Variants in MICAL3 observed in about 807,000 individuals in gnomAD.
MICAL3 encodes the protein microtubule associated monooxygenase, calponin and LIM domain containing 3.
Under a neutral mutation model 207.4 loss-of-function variants are expected in MICAL3, and 62 were observed. The ratio of observed to expected loss-of-function variants is 0.30; its 90% CI spans 0.24 to 0.37. MICAL3 has a LOEUF of 0.37. MICAL3 is among the 10% of genes least tolerant of loss of function. The pLI is 1.00. For synonymous variants in MICAL3, 1,077 were observed against 1,069.3 expected, an observed-to-expected ratio of 1.01 and a Z score of -0.14; for missense variants, 2,368 against 2,635.6, an observed-to-expected ratio of 0.90 and a Z score of 2.22.
intron 1 of MICAL3, among the ~76,000 whole-genome samples, 177 bp downstream of exon 1, chr22:18,024,104 A>G (rs1000353431): frequency 1.3e-5 from 2 of 152,216 alleles, no homozygotes; most frequent in African/African-American, 4.8e-5. Context: ...CCACTAGGGG[A>G]GAGAGGGCTG....
intron 1 of MICAL3, among the ~76,000 whole-genome samples, chr22:18,003,569 C>G (rs1175545979): frequency 6.6e-6 from 1 of 152,200 alleles, no homozygotes; most frequent in Non-Finnish European, 1.5e-5. Flanking sequence ...ATCCACACTA[C>G]AAGCCAAATT....
At chr22:18,015,254 C>A (rs753650598) in intron 1 of MICAL3, among the ~76,000 whole-genome samples, 3 of 152,032 alleles carry the variant, frequency 2.0e-5, no homozygotes, top group Non-Finnish European at 4.4e-5. Flanking sequence ...GTTTCTGGGG[C>A]TAATAAAAAA....
At chr22:17,863,497 C>A in intron 19 of MICAL3, 1 of 985,304 alleles carries the variant, frequency 1.0e-6, no homozygotes, top group South Asian at 4.7e-5. Flanking sequence ...GGGTACTTCA[C>A]GAGAAAGATG....
At chr22:17,944,491 G>C (rs779990465) in intron 1 of MICAL3, among the ~76,000 whole-genome samples, 1 of 152,136 alleles carries the variant, frequency 6.6e-6, no homozygotes, top group Non-Finnish European at 1.5e-5. Context: ...ATTAAGTCCC[G>C]AACAATGAAG....
At chr22:17,953,170 T>C (rs182276375) in intron 1 of MICAL3, among the ~76,000 whole-genome samples, 150 of 152,324 alleles carry the variant, frequency 9.8e-4, no homozygotes, top group Non-Finnish European at 1.3e-3. Context: ...TCTCTCTAGG[T>C]CCCTGAATCT....
At position 17,982,796 on chromosome 22, in the gene MICAL3, A is replaced by T. The variant is rs141443063; in HGVS notation, c.-75+41485T>A. 6.1e-3 allele frequency among the ~76,000 whole-genome samples: 912 copies of T among 149,962 alleles called. 9 individuals carry two copies. Among genetic ancestry groups the T allele is most frequent in the African/African-American group, 0.019 (756 of 39,612 alleles). On this transcript the variant is annotated intron_variant, in intron 1 of 31. Coordinates refer to ENST00000441493, the MANE Select transcript of MICAL3 (RefSeq NM_015241.3). Reference sequence around the variant, plus strand: ...AAAATAAAATAAAATAAAATAAAATAAAAAAGTTTTAATACATTCTCCCTG... The same window carrying T: ...AAAATAAAATAAAATAAAATAAAATTAAAAAGTTTTAATACATTCTCCCTG...
At chr22:17,982,344 A>G (rs1935950853) in intron 1 of MICAL3, among the ~76,000 whole-genome samples, 1 of 152,228 alleles carries the variant, frequency 6.6e-6, no homozygotes. Flanking sequence ...AAAACGGGGG[A>G]AAATGCCATT....
At chr22:17,895,141 C>G in intron 10 of MICAL3, 143 bp downstream of exon 10, 6 of 787,552 alleles carry the variant, frequency 7.6e-6, no homozygotes, top group Non-Finnish European at 1.0e-5. Context: ...CTACTTCTAC[C>G]AATTCAGAGA....
chr22:17,853,074 CAAAA>C (rs35015407), intron 19 of MICAL3, among the ~76,000 whole-genome samples: 1 of 113,070 alleles, frequency 8.8e-6, no homozygotes, highest in Admixed American at 9.5e-5. Context: ...GACTCCATCT[CAAAA>C]AAAAAAAAAA....
chr22:17,859,031 G>GA (rs1314710765), intron 19 of MICAL3, among the ~76,000 whole-genome samples: 1 of 152,196 alleles, frequency 6.6e-6, no homozygotes, highest in Non-Finnish European at 1.5e-5. Context: ...TTATTTCAGA[G>GA]AAAGGGGAGC....
At chr22:17,944,214 T>C (rs1241721289) in intron 1 of MICAL3, among the ~76,000 whole-genome samples, 3 of 152,176 alleles carry the variant, frequency 2.0e-5, no homozygotes, top group Non-Finnish European at 4.4e-5. Context: ...AGAAACTAAC[T>C]AACCAGTGTT....
chr22:17,955,767 A>T (rs563972713), intron 1 of MICAL3, among the ~76,000 whole-genome samples: 4 of 152,330 alleles, frequency 2.6e-5, no homozygotes, highest in African/African-American at 9.6e-5. Flanking sequence ...TTTCCTGGAC[A>T]ACTTCCAGCC....
chr22:17,918,239 C>T lies in MICAL3; in HGVS notation c.-74-11353G>A, dbSNP rs145593612. Among the ~76,000 whole-genome samples the T allele has an allele frequency of 4.2e-3, 636 of 152,118 alleles. 4 individuals carry two copies. Among genetic ancestry groups the T allele is most frequent in the African/African-American group, 0.014 (593 of 41,496 alleles). ...GAGGCTGCAGTGAGCTACGATCATG[C>T]CACTGCACTCTGGCCTGGCGGACAG... On this transcript the variant is annotated intron_variant, in intron 1 of 31. Coordinates refer to ENST00000441493, the MANE Select transcript of MICAL3 (RefSeq NM_015241.3).
chr22:17,848,737 C>A (rs1052377091), intron 19 of MICAL3, among the ~76,000 whole-genome samples: 2 of 152,152 alleles, frequency 1.3e-5, no homozygotes, highest in Admixed American at 6.5e-5. Flanking sequence ...GAGAAGTCAC[C>A]CCTGGGTAGG....
At chr22:17,827,840 C>T in intron 21 of MICAL3, 59 bp from the exon 22 acceptor site, 1 of 1,493,244 alleles carries the variant, frequency 6.7e-7, no homozygotes, top group Non-Finnish European at 9.0e-7. Context: ...GATGAAATAG[C>T]ATGGGAAAGG....
rs1270934519 is a variant in MICAL3, at chr22:17,793,962, G to A, written c.5651-2661C>T. On this transcript the variant is annotated intron_variant, in intron 29 of 31. Transcript: ENST00000441493. The surrounding 1 kb of genome is among the most constrained non-coding windows in gnomAD (Gnocchi z 4.1). ...TGAGAAAGGAACAACAGGAGGAAAAGAAAATAATACAAGAAATGGAGAAGC... is the reference window on the plus strand; with the variant it reads ...TGAGAAAGGAACAACAGGAGGAAAAAAAAATAATACAAGAAATGGAGAAGC... Among the ~76,000 whole-genome samples the A allele has an allele frequency of 6.6e-6, 1 of 152,104 alleles. No homozygotes were observed. Among genetic ancestry groups the A allele is most frequent in the East Asian group, 1.9e-4 (1 of 5,186 alleles).
At position 17,817,947 on chromosome 22, in the gene MICAL3, CCAGAG is replaced by C; in HGVS notation, c.4709_4713del (p.Ala1570GlyfsTer77). ...CTCTTCTGTGGCTGCAGCGTCCCCT[CCAGAG>C]CAGGCAGCCTCCCGTTCTCCTTGGC... is the stretch of plus-strand genomic sequence containing the variant. On this transcript the variant is annotated frameshift_variant, in exon 26 of 32. Transcript: ENST00000441493. LOFTEE classifies it high-confidence loss of function. 3 of 1,612,474 alleles carry C rather than the reference CCAGAG, an allele frequency of 1.9e-6. No individual in the cohort carries two copies. Among genetic ancestry groups the C allele is most frequent in the Non-Finnish European group, 2.5e-6 (3 of 1,179,780 alleles).
intron 29 of MICAL3, among the ~76,000 whole-genome samples, chr22:17,797,704 T>A (rs1018691578): frequency 2.0e-5 from 3 of 152,218 alleles, no homozygotes; most frequent in African/African-American, 7.2e-5. Context: ...ATATCATACA[T>A]GAATCATGGC....
At chr22:17,858,910 A>T (rs940593361) in intron 19 of MICAL3, among the ~76,000 whole-genome samples, 15 of 152,178 alleles carry the variant, frequency 9.9e-5, no homozygotes, top group African/African-American at 3.6e-4. Flanking sequence ...AAAATTATGC[A>T]CACGTATGTA....
Sources: allele counts gnomAD v4.1 joint callset (sites outside exome capture counted in the v4.1 genomes callset), GRCh38; gene constraint gnomAD v4.1.1; non-coding constraint Gnocchi (gnomAD v3.1); transcripts MANE v1.5; gene names NCBI Gene and HGNC (gene_info 2026-07-23, HGNC 2026-07-21).